The following TANC2 variants were observed in gnomAD, a reference collection of about 807,000 sequenced individuals.
The protein encoded by TANC2 is protein TANC2.
In TANC2, 26 loss-of-function variants were observed where a neutral mutation model predicts 210.5. The ratio of observed to expected loss-of-function variants is 0.12; its 90% CI spans 0.09 to 0.17. The LOEUF (loss-of-function observed/expected upper bound fraction) is 0.17. Among genes scored for constraint, TANC2 ranks in the 10% least tolerant of loss-of-function variants. The probability of loss-of-function intolerance (pLI) is 1.00; values close to 1 mark genes in which losing one functional copy is unlikely to be tolerated. For synonymous variants in TANC2, 931 were observed against 967.1 expected, an observed-to-expected ratio of 0.96 and a Z score of 0.69; for missense variants, 2,129 against 2,608.9, an observed-to-expected ratio of 0.82 and a Z score of 4.01.
At chr17:62,968,787 T>A (rs1214177341) in intron 1 of TANC2, among the ~76,000 whole-genome samples, 1 of 152,242 alleles carries the variant, frequency 6.6e-6, no homozygotes, top group Non-Finnish European at 1.5e-5. Context: ...GTTGAAGGGC[T>A]TTAAACTTAC....
chr17:63,299,285 C>A (rs2044633967), intron 9 of TANC2, among the ~76,000 whole-genome samples: 1 of 152,120 alleles, frequency 6.6e-6, no homozygotes, highest in African/African-American at 2.4e-5. Flanking sequence ...TAGGTATATA[C>A]CCAGTAATGG....
At chr17:63,090,942 A>G (rs916552817) in intron 3 of TANC2, among the ~76,000 whole-genome samples, 1 of 151,928 alleles carries the variant, frequency 6.6e-6, no homozygotes, top group Non-Finnish European at 1.5e-5. Flanking sequence ...TTTGATTTGC[A>G]TTTCTCTGAT....
In TANC2 at chr17:63,420,927, G is replaced by A. The variant is rs752976774; in HGVS notation, c.5197G>A (p.Gly1733Arg). The stretch of plus-strand genomic sequence containing the variant: ...GGCCAGTAAATACCAGTCTTCACAA[G>A]GAGACATAGGAGTCAGCCAGAGCCG... The change falls in exon 28 of 28, where the codon GGA becomes AGA. Residue 1733 changes from glycine to arginine, a missense_variant. Gly to Arg is a moderately radical substitution (Grantham distance 125). Transcript: ENST00000689528. The surrounding 1 kb of genome is among the most constrained non-coding windows in gnomAD (Gnocchi z 4.2). 2.1e-5 allele frequency: 34 copies of A among 1,613,884 alleles called. No homozygotes were observed. The highest frequency in any genetic ancestry group is 2.8e-5 in the Non-Finnish European group (33 of 1,179,910).
chr17:63,403,154 T>C (rs984944809), intron 19 of TANC2, among the ~76,000 whole-genome samples: 1 of 152,238 alleles, frequency 6.6e-6, no homozygotes, highest in African/African-American at 2.4e-5. Context: ...GCTTTCCAGA[T>C]GGTCACTGGT....
intron 1 of TANC2, among the ~76,000 whole-genome samples, chr17:62,971,476 C>T (rs1021534984): frequency 3.9e-5 from 6 of 152,148 alleles, no homozygotes; most frequent in Non-Finnish European, 7.3e-5. Context: ...ACTATAGGCA[C>T]GTGCCACCAT....
chr17:63,407,682 A>G (rs1316974698), intron 21 of TANC2, among the ~76,000 whole-genome samples: 3 of 152,230 alleles, frequency 2.0e-5, no homozygotes, highest in Non-Finnish European at 4.4e-5. Context: ...AATACACTAT[A>G]ACCTGTGCCC....
chr17:63,276,494 CTTTTTTTTTT>C (rs554302518), intron 9 of TANC2, among the ~76,000 whole-genome samples: 3 of 134,174 alleles, frequency 2.2e-5, no homozygotes, highest in Admixed American at 7.5e-5. Context: ...TTTTCCCTTT[CTTTTTTTTTT>C]TTTTTTAACT....
rs1396912850 is a variant in TANC2 at position 63,420,274 on chromosome 17, C to A, written c.4544C>A (p.Ala1515Asp). 2 of 1,613,722 alleles carry A rather than the reference C, an allele frequency of 1.2e-6. No homozygotes were observed. The highest frequency in any genetic ancestry group is 2.7e-5 in the African/African-American group (2 of 74,918). ...GTTTCCATTGGCCTCCAGACAGAGG[C>A]CCGGCCCAGCCAGGGGCTCCCGGTC... is the stretch of plus-strand genomic sequence containing the variant. Residue 1515 changes from alanine to aspartate, a missense_variant, in exon 28 of 28, where the codon GCC becomes GAC. Transcript: ENST00000689528. The surrounding 1 kb of genome is among the most constrained non-coding windows in gnomAD (Gnocchi z 4.2).
At chr17:63,136,178 A>C (rs2039083535) in intron 4 of TANC2, among the ~76,000 whole-genome samples, 2 of 152,194 alleles carry the variant, frequency 1.3e-5, no homozygotes, top group South Asian at 4.1e-4. Flanking sequence ...TAAGTTATTC[A>C]AAATCCCATT....
In TANC2 at chr17:63,420,954, T is replaced by C. The variant is rs377391067; in HGVS notation, c.5224T>C (p.Leu1742=). 53 of 1,613,890 alleles carry C rather than the reference T, an allele frequency of 3.3e-5. No homozygotes were observed. In the African/African-American group the frequency reaches 5.6e-4, roughly 17 times the overall value. Residue 1742 remains leucine (L), a synonymous_variant, in exon 28 of 28, where the codon TTG becomes CTG. Coordinates refer to ENST00000689528, the Ensembl canonical transcript of TANC2. This position sits in a 1 kb window ranked among gnomAD's most constrained non-coding sequence, Gnocchi z 4.2. ...AGACATAGGAGTCAGCCAGAGCCGG[T>C]TGGTTTATCAAGGGTCAATTGGGGG...
intron 1 of TANC2, among the ~76,000 whole-genome samples, chr17:62,982,383 A>G (rs1018465002): frequency 2.0e-5 from 3 of 152,140 alleles, no homozygotes; most frequent in African/African-American, 7.2e-5. Flanking sequence ...AGTTCTCCCC[A>G]CCTTACCAAT....
intron 4 of TANC2, among the ~76,000 whole-genome samples, chr17:63,108,210 AG>A (rs2037899701): frequency 6.6e-6 from 1 of 151,772 alleles, no homozygotes; most frequent in Admixed American, 6.6e-5. Context: ...AGCTCATTAA[AG>A]GATATGGATA....
At chr17:62,998,533 A>G (rs897306295) in intron 1 of TANC2, among the ~76,000 whole-genome samples, 4 of 152,198 alleles carry the variant, frequency 2.6e-5, no homozygotes, top group African/African-American at 9.6e-5. Context: ...TAAAAAGGGA[A>G]CCCTGGTTAA....
intron 8 of TANC2, among the ~76,000 whole-genome samples, chr17:63,262,925 T>A (rs1238908651): frequency 2.0e-5 from 3 of 152,198 alleles, no homozygotes; most frequent in East Asian, 3.8e-4. Flanking sequence ...AGATTTTTTT[T>A]AATACTTTTG....
rs1186943763 is a variant in TANC2, at chr17:63,412,248, A to G, written c.3898+118A>G. 10 of 1,400,362 alleles carry G rather than the reference A, an allele frequency of 7.1e-6. No individual in the cohort carries two copies. Among genetic ancestry groups the G allele is most frequent in the Middle Eastern group, 4.9e-4 (2 of 4,096 alleles). 86.7% of individuals were successfully genotyped at this position (1,400,362 alleles called of 1,614,324 possible). On this transcript the variant is annotated intron_variant, in intron 23 of 27. Transcript: ENST00000689528. This position sits in a 1 kb window ranked among gnomAD's most constrained non-coding sequence, Gnocchi z 4.2. The stretch of plus-strand genomic sequence containing the variant: ...ATAGTTCCCCCTCCTCCCTGGCCCA[A>G]TTATTGTCCAAGTGAACAGAGAGGC...
At chr17:62,984,297 T>C (rs1328275951) in intron 1 of TANC2, among the ~76,000 whole-genome samples, 1 of 152,140 alleles carries the variant, frequency 6.6e-6, no homozygotes, top group African/African-American at 2.4e-5. Flanking sequence ...TCTTTGTATT[T>C]CCGTGGTATC....
chr17:63,125,040 C>T (rs2038653916), intron 4 of TANC2: 1 of 152,206 alleles, frequency 6.6e-6, no homozygotes, highest in Non-Finnish European at 1.5e-5. Flanking sequence ...CTCCATTCAA[C>T]ATCCTTACTC....
chr17:63,026,153 C>A (rs2034546224), intron 2 of TANC2, among the ~76,000 whole-genome samples: 1 of 151,972 alleles, frequency 6.6e-6, no homozygotes, highest in African/African-American at 2.4e-5. Context: ...TTCATGTCAC[C>A]TTTTTATTTT....
chr17:63,032,238 A>G (rs1383747203), intron 2 of TANC2, among the ~76,000 whole-genome samples: 1 of 152,148 alleles, frequency 6.6e-6, no homozygotes, highest in East Asian at 1.9e-4. Context: ...TTTCACATCC[A>G]TAAGCTCATG....
Sources: gnomAD v4.1 joint callset for allele counts (sites outside exome capture counted in the v4.1 genomes callset) on GRCh38, gnomAD v4.1.1 for gene constraint, Gnocchi (gnomAD v3.1) non-coding constraint, MANE v1.5 for transcripts, NCBI Gene and HGNC (gene_info 2026-07-23, HGNC 2026-07-21) for gene names.